IPMK: variants seen among roughly 807,000 people sequenced by gnomAD.
IPMK encodes the protein inositol polyphosphate multikinase, also known as inositol 1,3,4,6-tetrakisphosphate 5-kinase.
IPMK carries 17 observed loss-of-function variants against 45.8 expected under a neutral mutation model. The ratio of observed to expected loss-of-function variants is 0.37; its 90% confidence interval spans 0.25 to 0.56. The LOEUF is 0.56. Ranked by LOEUF, IPMK falls within the 20% of genes least tolerant of loss-of-function variation. The pLI, the probability that IPMK is intolerant of heterozygous loss-of-function variation, is 0.79. For synonymous variants in IPMK, 180 were observed against 184.3 expected (o/e 0.98, Z 0.19); for missense variants, 399 against 498.0 (o/e 0.80, Z 1.89).
Position 58,218,979 on chromosome 10 carries a change from C to A in IPMK, c.374-2662G>T, listed in dbSNP as rs934654148. 9.9e-5 allele frequency among the ~76,000 whole-genome samples: 15 copies of A among 152,262 alleles called. No individual in the cohort carries two copies. In the South Asian group the frequency reaches 2.9e-3, roughly 30 times the overall value. On this transcript the variant is annotated intron_variant, in intron 3 of 5. Transcript: ENST00000373935. ...TCACACTATAATAAATTGAGGCACC[C>A]CTTCAGTAAATAGGGATGAATATCA...
chr10:58,228,231 C>CT (rs1838451181), intron 2 of IPMK, among the ~76,000 whole-genome samples: 1 of 152,046 alleles, frequency 6.6e-6, no homozygotes, highest in African/African-American at 2.4e-5. Context: ...AAGTAGATCT[C>CT]TGTGTACTGA....
intron 1 of IPMK, among the ~76,000 whole-genome samples, chr10:58,262,582 A>G (rs1284196961): frequency 1.3e-5 from 2 of 152,196 alleles, no homozygotes; most frequent in African/African-American, 4.8e-5. Context: ...TCTAAATACC[A>G]TTTTCCACTA....
At chr10:58,251,612 A>G (rs1351211805) in intron 1 of IPMK, among the ~76,000 whole-genome samples, 1 of 152,036 alleles carries the variant, frequency 6.6e-6, no homozygotes, top group East Asian at 1.9e-4. Flanking sequence ...ATTAAAGTCA[A>G]TTTCTCCCTT....
intron 1 of IPMK, among the ~76,000 whole-genome samples, chr10:58,258,873 C>T (rs969999912): frequency 3.9e-5 from 6 of 152,004 alleles, no homozygotes; most frequent in South Asian, 2.1e-4. Context: ...AAATGGACAA[C>T]GAAGAAAAAT....
chr10:58,203,997 C>T (rs900429117), intron 4 of IPMK, among the ~76,000 whole-genome samples: 3 of 152,194 alleles, frequency 2.0e-5, no homozygotes, highest in Admixed American at 6.5e-5. Flanking sequence ...ACTCACTGAA[C>T]GCTCAGATGA....
chr10:58,244,574 G>A (rs549130305), intron 1 of IPMK, among the ~76,000 whole-genome samples: 50 of 152,150 alleles, frequency 3.3e-4, no homozygotes, highest in African/African-American at 1.1e-3. Context: ...CCATGATGAC[G>A]ATGGTGGTTT....
At chr10:58,234,970 G>GA (rs1456504936) in intron 2 of IPMK, among the ~76,000 whole-genome samples, 2 of 151,720 alleles carry the variant, frequency 1.3e-5, no homozygotes, top group Non-Finnish European at 2.9e-5. Context: ...AAATTTACTA[G>GA]AAAAAAACAA....
rs753050298 is a variant in IPMK, at chr10:58,211,901, C to CAAAAAAAAAAAAAAAAAAAAA, written c.546+4223_546+4243dup. On this transcript the variant is annotated intron_variant, in intron 4 of 5. Coordinates refer to ENST00000373935, the MANE Select transcript of IPMK (RefSeq NM_152230.5). The stretch of plus-strand genomic sequence containing the variant: ...CACTCCAGCCTGGGTGACATCTCAC[C>CAAAAAAAAAAAAAAAAAAAAA]AAAAAAAAAAAAAAAAAAAAAAAAT... 2.8e-4 allele frequency among the ~76,000 whole-genome samples: 14 copies of CAAAAAAAAAAAAAAAAAAAAA among 50,370 alleles called. 1 individual carries two copies. The highest frequency in any genetic ancestry group is 4.5e-4 in the African/African-American group (5 of 11,038). The allele number at this position is 50,370 out of a possible 152,430, so 33.0% of individuals were successfully genotyped here.
chr10:58,267,716 G>C lies in IPMK; in HGVS notation c.-105C>G. ...GTCGCTCAGGCTCGGGCGCGAGGAG[G>C]CCCGGGGGTTCCCGCGGCTGGTGCC... On this transcript the variant is annotated 5_prime_UTR_variant, in exon 1 of 6. Transcript: ENST00000373935. 1.4e-6 allele frequency: 1 copy of C among 698,250 alleles called. No homozygotes were observed. The highest frequency in any genetic ancestry group is 2.8e-5 in the East Asian group (1 of 35,854). 43.3% of individuals were successfully genotyped at this position (698,250 alleles called of 1,614,324 possible).
chr10:58,226,928 A>G (rs1838424953), intron 3 of IPMK, 115 bp downstream of exon 3: 1 of 618,920 alleles, frequency 1.6e-6, no homozygotes, highest in East Asian at 2.9e-5. Context: ...AGCAAAACAT[A>G]TATATTTTGT....
chr10:58,219,481 C>T (rs995185793), intron 3 of IPMK, among the ~76,000 whole-genome samples: 1 of 152,134 alleles, frequency 6.6e-6, no homozygotes, highest in Non-Finnish European at 1.5e-5. Context: ...AATTCTTTCC[C>T]TAGAAGAGAG....
chr10:58,199,102 GTAAATC>G (rs1837959405), intron 5 of IPMK, 132 bp downstream of exon 5: 1 of 560,680 alleles, frequency 1.8e-6, no homozygotes, highest in East Asian at 3.1e-5. Context: ...ATCCAATTCT[GTAAATC>G]TAAGTTTCAT....
intron 2 of IPMK, among the ~76,000 whole-genome samples, chr10:58,229,885 T>G (rs1403414213): frequency 6.6e-6 from 1 of 152,082 alleles, no homozygotes; most frequent in African/African-American, 2.4e-5. Flanking sequence ...CACAAGGAGT[T>G]GGGGGATTTC....
intron 3 of IPMK, among the ~76,000 whole-genome samples, chr10:58,220,939 A>G (rs769323309): frequency 6.6e-6 from 1 of 152,196 alleles, no homozygotes; most frequent in Non-Finnish European, 1.5e-5. Flanking sequence ...TACAGGTCTA[A>G]CTTTGATATT....
chr10:58,193,333 A>T lies in IPMK; in HGVS notation c.*2743T>A, dbSNP rs1837843286. On this transcript the variant is annotated 3_prime_UTR_variant, in exon 6 of 6. Transcript: ENST00000373935. The stretch of plus-strand genomic sequence containing the variant: ...GCCCCATAAGAGCAAACTGTAGTGT[A>T]AAGAGGAAAAGTAAGTACAATCTTT... 6.6e-6 allele frequency: 1 copy of T among 151,938 alleles called. No homozygotes were observed. Among genetic ancestry groups the T allele is most frequent in the African/African-American group, 2.4e-5 (1 of 41,434 alleles). The allele number at this position is 151,938 out of a possible 1,614,324, so 9.4% of individuals were successfully genotyped here. A position where few individuals can be genotyped will look rare whatever the true frequency, so the allele number is the denominator to read the frequency against.
rs533953464 is a variant in IPMK at position 58,219,869 on chromosome 10, C to T, written c.374-3552G>A. Reference sequence around the variant, plus strand: ...GACAAAGAAGTTTATTCCCCCCATGCCCTAAAGGCCCAGTGTTTTCTTGTT... The same window carrying T: ...GACAAAGAAGTTTATTCCCCCCATGTCCTAAAGGCCCAGTGTTTTCTTGTT... On this transcript the variant is annotated intron_variant, in intron 3 of 5. Coordinates refer to ENST00000373935, the MANE Select transcript of IPMK (RefSeq NM_152230.5). Among the ~76,000 whole-genome samples, 3 of 152,308 alleles carry T rather than the reference C, an allele frequency of 2.0e-5. No individual in the cohort carries two copies. In the South Asian group the frequency reaches 6.2e-4, roughly 32 times the overall value.
intron 4 of IPMK, among the ~76,000 whole-genome samples, chr10:58,214,789 C>T (rs1417927501): frequency 2.0e-5 from 3 of 152,188 alleles, no homozygotes; most frequent in Admixed American, 1.3e-4. Flanking sequence ...TTTACCTTCA[C>T]GCATCTAGAA....
chr10:58,196,342 G>T lies in IPMK; in HGVS notation c.985C>A (p.His329Asn). Residue 329 changes from histidine (H) to asparagine (N), a missense_variant, in exon 6 of 6, where the codon CAT becomes AAT. Coordinates refer to ENST00000373935, the MANE Select transcript of IPMK (RefSeq NM_152230.5). ...ACTTTCAATGAAGTCTGACTGTGAT[G>T]CTTTTTTGTATATATTTTCCTGTGA... Reference protein sequence around the residue: ...ARHRKIYTKKHHSQTSLKVEN... With the variant: ...ARHRKIYTKKNHSQTSLKVEN... 6.2e-7 allele frequency: 1 copy of T among 1,614,132 alleles called. No individual in the cohort carries two copies. The highest frequency in any genetic ancestry group is 8.5e-7 in the Non-Finnish European group (1 of 1,180,020).
chr10:58,254,935 A>T (rs1435439272), intron 1 of IPMK, among the ~76,000 whole-genome samples: 1 of 152,222 alleles, frequency 6.6e-6, no homozygotes, highest in Admixed American at 6.5e-5. Flanking sequence ...GTGAGCACCA[A>T]AGCTTAAACA....
Sources: allele counts gnomAD v4.1 joint callset (sites outside exome capture counted in the v4.1 genomes callset), GRCh38; gene constraint gnomAD v4.1.1; transcripts MANE v1.5; gene names NCBI Gene and HGNC (gene_info 2026-07-23, HGNC 2026-07-21).